Variants in CRY2 observed in about 807,000 individuals in gnomAD.
CRY2 encodes cryptochrome circadian regulator 2, also known as cryptochrome-2.
Under a neutral mutation model 69.5 loss-of-function variants are expected in CRY2, and 31 were observed. The ratio of observed to expected loss-of-function variants is 0.45; its 90% CI spans 0.34 to 0.60. The LOEUF (loss-of-function observed/expected upper bound fraction) is 0.60. Ranked by LOEUF, CRY2 falls within the 20% of genes least tolerant of loss-of-function variation. The probability of loss-of-function intolerance (pLI) is 0.02; values close to 1 mark genes in which losing one functional copy is unlikely to be tolerated. For missense variants in CRY2, 606 were observed against 797.8 expected, an observed-to-expected ratio of 0.76 and a Z score of 2.90; for synonymous variants, 303 against 312.2, an observed-to-expected ratio of 0.97 and a Z score of 0.31.
chr11:45,861,183 A>G (rs1369794161), intron 4 of CRY2, 151 bp downstream of exon 4: 10 of 750,024 alleles, frequency 1.3e-5, no homozygotes, highest in Non-Finnish European at 2.1e-5. Context: ...CACCACCCAG[A>G]GGTAACCACA....
At chr11:45,847,459 G>C (rs1192356620), upstream of CRY2, 3 of 1,596,800 alleles carry the variant, frequency 1.9e-6, no homozygotes, top group East Asian at 2.2e-5. Flanking sequence ...TACCGGGGCG[G>C]AGCGGGGGTG....
chr11:45,852,738 C>CCT (rs1412577812), intron 1 of CRY2, among the ~76,000 whole-genome samples: 1 of 152,216 alleles, frequency 6.6e-6, no homozygotes, highest in Admixed American at 6.5e-5. Flanking sequence ...AGAAAGGCAA[C>CCT]TTGTAACAGA....
In CRY2 at chr11:45,862,178, C is replaced by A. The variant is rs895242444; in HGVS notation, c.741+30C>A. 3.1e-6 allele frequency: 5 copies of A among 1,594,504 alleles called. No individual in the cohort carries two copies. In the African/African-American group the frequency reaches 5.4e-5, roughly 17 times the overall value. On this transcript the variant is annotated intron_variant, in intron 5 of 11. Coordinates refer to ENST00000616080, the MANE Select transcript of CRY2 (RefSeq NM_021117.5). ...GGGCCGTTTCTGAGACACAGAGCTG[C>A]AGATACTGATATCCACACAGCAGGA...
Position 45,849,538 on chromosome 11 carries a change from G to A in CRY2, c.215+1833G>A, listed in dbSNP as rs146118163. ...ACATAAGATAAGGGGACAGACTAGA[G>A]CAGTGGTTCTCAATCTTGGCTGCTG... On this transcript the variant is annotated intron_variant, in intron 1 of 11. Coordinates refer to ENST00000616080, the MANE Select transcript of CRY2 (RefSeq NM_021117.5). 5.2e-3 allele frequency among the ~76,000 whole-genome samples: 789 copies of A among 152,158 alleles called. 7 individuals are homozygous for A. The highest frequency in any genetic ancestry group is 0.018 in the African/African-American group (735 of 41,510).
chr11:45,880,477 G>T (rs1179071135), intron 11 of CRY2, among the ~76,000 whole-genome samples: 1 of 152,142 alleles, frequency 6.6e-6, no homozygotes, highest in Non-Finnish European at 1.5e-5. Flanking sequence ...CTCAGTCATT[G>T]CCTTACTCTT....
chr11:45,854,314 C>A (rs1218737141), intron 1 of CRY2, among the ~76,000 whole-genome samples: 1 of 152,160 alleles, frequency 6.6e-6, no homozygotes, highest in Admixed American at 6.5e-5. Context: ...TATTAGAGAA[C>A]AGGATTCCAA....
chr11:45,877,823 T>C (rs1397726188), intron 11 of CRY2, among the ~76,000 whole-genome samples: 2 of 152,208 alleles, frequency 1.3e-5, no homozygotes, highest in African/African-American at 4.8e-5. Context: ...ACCAACTAGT[T>C]ATCTGCTGAT....
intron 6 of CRY2, 67 bp downstream of exon 6, chr11:45,867,819 C>CA: frequency 6.2e-7 from 1 of 1,603,470 alleles, no homozygotes; most frequent in South Asian, 1.1e-5. Context: ...GCTTGTCAGT[C>CA]ACCCTAAAAA....
chr11:45,877,558 A>G (rs2086433170), intron 11 of CRY2, among the ~76,000 whole-genome samples: 1 of 152,216 alleles, frequency 6.6e-6, no homozygotes, highest in Non-Finnish European at 1.5e-5. Flanking sequence ...TTGCAGAGGG[A>G]GACAGTCGTT....
In CRY2 at chr11:45,856,087, C is replaced by A. The variant is rs200067613; in HGVS notation, c.321C>A (p.Phe107Leu). 2 of 1,613,188 alleles carry A rather than the reference C, an allele frequency of 1.2e-6. No individual in the cohort carries two copies. The highest frequency in any genetic ancestry group is 1.7e-6 in the Non-Finnish European group (2 of 1,179,294). The change falls in exon 2 of 12, where the codon TTC (phenylalanine) becomes TTA (leucine). Residue 107 changes from phenylalanine (F) to leucine (L), a missense_variant. By Grantham distance (22) the Phe-to-Leu change is conservative. Around this residue, in one of 5 missense-constraint regions of CRY2, gnomAD observed 382 missense variants for 508.9 expected, o/e 0.75. Coordinates refer to ENST00000616080, the MANE Select transcript of CRY2 (RefSeq NM_021117.5). ...GQPADVFPRL[F>L]KEWGVTRLTF... is the part of the protein sequence containing the mutation. ...CAGCCGACGTGTTCCCAAGGCTGTT[C>A]AAGGTAAGCGTGCAGAGCCCCAGAG...
chr11:45,870,767 C>T (rs1359435101), intron 9 of CRY2, 75 bp from the exon 10 acceptor site: 3 of 1,335,370 alleles, frequency 2.2e-6, no homozygotes, highest in East Asian at 2.4e-5. Flanking sequence ...CCCACCCCCA[C>T]TTGCTTCATC....
chr11:45,858,688 TC>T, intron 2 of CRY2, 42 bp from the exon 3 acceptor site: 1 of 1,579,950 alleles, frequency 6.3e-7, no homozygotes, highest in Non-Finnish European at 8.6e-7. Context: ...TTCCCCCTCC[TC>T]CCCAAACACA....
chr11:45,855,149 G>A lies in CRY2; in HGVS notation c.216-833G>A, dbSNP rs946165308. Among the ~76,000 whole-genome samples the A allele has an allele frequency of 5.3e-5, 8 of 151,924 alleles. No individual in the cohort carries two copies. The East Asian group carries it at 1.4e-3, about 26-fold the overall frequency. ...CCTGCTGAAGTTCTTGCCTAGCTGC[G>A]GTCTTCCCCACCCCCACCCCCACAA... On this transcript the variant is annotated intron_variant, in intron 1 of 11. Coordinates refer to ENST00000616080, the MANE Select transcript of CRY2 (RefSeq NM_021117.5).
chr11:45,853,556 AATC>A (rs2086214697), intron 1 of CRY2, among the ~76,000 whole-genome samples: 1 of 152,204 alleles, frequency 6.6e-6, no homozygotes, highest in South Asian at 2.1e-4. Context: ...TATAGCTTCA[AATC>A]AAAGTCCTAT....
chr11:45,847,480 T>C lies in CRY2; in HGVS notation c.-11T>C. 6.2e-7 allele frequency: 1 copy of C among 1,601,248 alleles called. No individual in the cohort carries two copies. Among genetic ancestry groups the C allele is most frequent in the Non-Finnish European group, 8.5e-7 (1 of 1,177,414 alleles). On this transcript the variant is annotated 5_prime_UTR_variant, in exon 1 of 12. Transcript: ENST00000616080. ...GGCGGAGCGGGGGTGGCTGGAGCAG[T>C]CTGGACAGTCATGGCGGCGACTGTG...
chr11:45,870,065 C>A lies in CRY2; in HGVS notation c.1207C>A (p.Leu403Met). 1 of 1,603,346 alleles carries A rather than the reference C, an allele frequency of 6.2e-7. No homozygotes were observed. ...CTCCCCTATCTAGGTATTTGATGAG[C>A]TGCTCCTGGATGCAGATTTCAGCGT... ...WESGVRVFDE[L>M]LLDADFSVNA... is the part of the protein sequence containing the mutation. Residue 403 changes from leucine (L) to methionine (M), a missense_variant, in exon 8 of 12, where the codon CTG becomes ATG. Leu to Met is a conservative substitution (Grantham distance 15, BLOSUM62 2). This residue lies in a region of CRY2 where 382 missense variants were observed against 508.9 expected (regional missense o/e 0.75). Coordinates refer to ENST00000616080, the MANE Select transcript of CRY2 (RefSeq NM_021117.5).
chr11:45,867,306 A>T (rs1434663807), intron 5 of CRY2: 1 of 339,074 alleles, frequency 2.9e-6, no homozygotes, highest in East Asian at 5.2e-5. Flanking sequence ...GAATTCTTTC[A>T]TATCTCATTT....
intron 1 of CRY2, among the ~76,000 whole-genome samples, chr11:45,850,205 C>T (rs1298114425): frequency 6.6e-6 from 1 of 151,958 alleles, no homozygotes. Flanking sequence ...GATGGGGTTT[C>T]ACCATGTTCT....
chr11:45,876,541 C>T (rs1266652301), intron 11 of CRY2, among the ~76,000 whole-genome samples: 1 of 152,214 alleles, frequency 6.6e-6, no homozygotes, highest in Non-Finnish European at 1.5e-5. Context: ...TCTCATTGGT[C>T]CAATTATTTT....
Sources: gnomAD v4.1 joint callset for allele counts (sites outside exome capture counted in the v4.1 genomes callset) on GRCh38, gnomAD v4.1.1 for gene constraint, gnomAD v4.1.1 regional missense constraint, MANE v1.5 for transcripts, NCBI Gene and HGNC (gene_info 2026-07-23, HGNC 2026-07-21) for gene names.